GLYATL3: variants seen among roughly 807,000 people sequenced by gnomAD.
GLYATL3 encodes the protein glycine-N-acyltransferase like 3.
Under a neutral mutation model 28.5 loss-of-function variants are expected in GLYATL3, and 31 were observed. That is an observed-to-expected ratio of 1.09 (90% CI 0.82 to 1.47). GLYATL3 has a LOEUF of 1.47. Among genes scored for constraint, GLYATL3 ranks in the 40% most tolerant of loss-of-function variants. The pLI, the probability that GLYATL3 is intolerant of heterozygous loss-of-function variation, is 0.00. For missense variants in GLYATL3, 369 were observed against 351.5 expected (o/e 1.05, Z -0.40); for synonymous variants, 141 against 140.2 (o/e 1.01, Z -0.04).
intron 1 of GLYATL3, among the ~76,000 whole-genome samples, chr6:49,502,573 T>A (rs1768934210): frequency 6.6e-6 from 1 of 151,562 alleles, no homozygotes; most frequent in Non-Finnish European, 1.5e-5. Flanking sequence ...CTTATAATTC[T>A]ATCTCCCATC....
chr6:49,508,013 G>A (rs939348352), intron 1 of GLYATL3, among the ~76,000 whole-genome samples: 3 of 152,142 alleles, frequency 2.0e-5, no homozygotes, highest in Admixed American at 6.5e-5. Flanking sequence ...AATATAGCGT[G>A]TGCATCAGTA....
At chr6:49,515,994 G>A (rs527994422) in intron 3 of GLYATL3, among the ~76,000 whole-genome samples, 1 of 145,664 alleles carries the variant, frequency 6.9e-6, no homozygotes, top group East Asian at 2.1e-4. Context: ...GAGTGCAGTG[G>A]CATGATCTCA....
intron 1 of GLYATL3, among the ~76,000 whole-genome samples, chr6:49,509,944 CTT>C (rs989634639): frequency 1.8e-5 from 1 of 55,002 alleles, no homozygotes; most frequent in Non-Finnish European, 4.8e-5. Flanking sequence ...TACGTATTTT[CTT>C]TCTCTTTCTT....
At position 49,526,625 on chromosome 6, in the gene GLYATL3, T is replaced by A. The variant is rs1769421487; in HGVS notation, c.578T>A (p.Val193Asp). Residue 193 changes from valine to aspartate, a missense_variant, in exon 6 of 6, where the codon GTC becomes GAC. By Grantham distance (152) the Val-to-Asp change is radical. Transcript: ENST00000371197. ...NLISCFPSVCVRDEKGNPVSW... is the reference protein window; with the variant it reads ...NLISCFPSVCDRDEKGNPVSW... ...ATCTCCTGCTTCCCTAGTGTGTGTGTCCGGGATGAGAAGGGAAACCCGGTC... is the reference window on the plus strand; with the variant it reads ...ATCTCCTGCTTCCCTAGTGTGTGTGACCGGGATGAGAAGGGAAACCCGGTC... 6.4e-7 allele frequency: 1 copy of A among 1,551,930 alleles called. No homozygotes were observed. Among genetic ancestry groups the A allele is most frequent in the East Asian group, 2.4e-5 (1 of 40,902 alleles).
chr6:49,504,148 C>T (rs1041305866), intron 1 of GLYATL3, among the ~76,000 whole-genome samples: 6 of 151,744 alleles, frequency 4.0e-5, no homozygotes, highest in South Asian at 4.2e-4. Context: ...AGACCTGGAT[C>T]GCTGGAGGCA....
intron 1 of GLYATL3, among the ~76,000 whole-genome samples, chr6:49,507,546 G>A (rs143314896): frequency 1.2e-4 from 19 of 152,224 alleles, no homozygotes; most frequent in East Asian, 1.2e-3. Flanking sequence ...AATACTCATC[G>A]ACAAACCTGA....
rs1202956128 is a variant in GLYATL3, at chr6:49,526,521, T to C, written c.474T>C (p.Ser158=). The C allele has an allele frequency of 7.7e-6, 12 of 1,551,568 alleles. No homozygotes were observed. Among genetic ancestry groups the C allele is most frequent in the Non-Finnish European group, 1.0e-5 (12 of 1,146,990 alleles). Residue 158 remains serine, a synonymous_variant, in exon 6 of 6, where the codon AGT becomes AGC. Coordinates refer to ENST00000371197, the MANE Select transcript of GLYATL3 (RefSeq NM_001010904.2). ...KGPSPRLTYL[S]VANADLLNRT... The stretch of plus-strand genomic sequence containing the variant: ...CTTCCCCACGACTAACCTACCTGAG[T>C]GTTGCCAATGCGGATCTACTCAACC...
intron 1 of GLYATL3, among the ~76,000 whole-genome samples, chr6:49,505,201 T>C (rs1768988838): frequency 6.6e-6 from 1 of 152,214 alleles, no homozygotes; most frequent in African/African-American, 2.4e-5. Context: ...TACGTTAGTA[T>C]GAGAACGAAT....
At chr6:49,504,990 G>T (rs776940475) in intron 1 of GLYATL3, among the ~76,000 whole-genome samples, 1 of 152,124 alleles carries the variant, frequency 6.6e-6, no homozygotes, top group Non-Finnish European at 1.5e-5. Context: ...GATTAACTCC[G>T]AGAGATTGTG....
Position 49,512,020 on chromosome 6 carries a change from A to G in GLYATL3, c.30A>G (p.Leu10=), listed in dbSNP as rs1419821259. 2.0e-6 allele frequency: 3 copies of G among 1,505,838 alleles called. No homozygotes were observed. The highest frequency in any genetic ancestry group is 2.7e-6 in the Non-Finnish European group (3 of 1,108,154). 93.3% of individuals were successfully genotyped at this position (1,505,838 alleles called of 1,614,324 possible). A position where few individuals can be genotyped will look rare whatever the true frequency, so the allele number is the denominator to read the frequency against. The change falls in exon 2 of 6, where the codon TTA becomes TTG. Residue 10 remains leucine, a synonymous_variant. Coordinates refer to ENST00000371197, the MANE Select transcript of GLYATL3 (RefSeq NM_001010904.2). MLVLNCSTK[L]LILEKMLKSC... is the part of the protein sequence containing the mutation. The stretch of plus-strand genomic sequence containing the variant: ...TGGTGCTAAACTGTTCTACCAAATT[A>G]CTGATACTGGAGAAAATGTTGAAGA...
chr6:49,508,639 G>T (rs1581866632), intron 1 of GLYATL3, among the ~76,000 whole-genome samples: 1 of 152,286 alleles, frequency 6.6e-6, no homozygotes, highest in South Asian at 2.1e-4. Flanking sequence ...TCTGGGATAG[G>T]AATCTTGGTG....
chr6:49,507,830 A>T (rs115534907), intron 1 of GLYATL3, among the ~76,000 whole-genome samples: 3,275 of 152,250 alleles, frequency 0.022, 60 homozygotes, highest in African/African-American at 0.043. Context: ...CTGCAGTGCC[A>T]CCAATGCACT....
intron 2 of GLYATL3, among the ~76,000 whole-genome samples, chr6:49,515,371 G>T (rs572230016): frequency 3.9e-5 from 6 of 152,128 alleles, no homozygotes; most frequent in African/African-American, 1.2e-4. Context: ...CACCTAGTAA[G>T]CCTATGAATT....
chr6:49,523,599 G>T (rs748776757), intron 5 of GLYATL3, among the ~76,000 whole-genome samples: 3 of 152,094 alleles, frequency 2.0e-5, no homozygotes, highest in Non-Finnish European at 4.4e-5. Context: ...TTGCAATTCG[G>T]CCTTTTTAAG....
At chr6:49,526,321 G>A (rs1023377644) in intron 5 of GLYATL3, among the ~76,000 whole-genome samples, 167 bp from the exon 6 acceptor site, 3 of 152,072 alleles carry the variant, frequency 2.0e-5, no homozygotes, top group Non-Finnish European at 4.4e-5. Flanking sequence ...GCTGAGGCAG[G>A]AGAATTGCTT....
chr6:49,521,799 G>A, intron 5 of GLYATL3, 28 bp downstream of exon 5: 1 of 1,546,048 alleles, frequency 6.5e-7, no homozygotes, highest in East Asian at 2.4e-5. Flanking sequence ...TTGCATTTGG[G>A]GCAGGACTTA....
chr6:49,521,577 C>A, intron 4 of GLYATL3, 68 bp from the exon 5 acceptor site: 2 of 1,390,542 alleles, frequency 1.4e-6, no homozygotes, highest in South Asian at 1.3e-5. Context: ...AAAATTACTG[C>A]AACAAATTTC....
chr6:49,500,102 G>A (rs1183518712), intron 1 of GLYATL3, 60 bp downstream of exon 1: 1 of 152,116 alleles, frequency 6.6e-6, no homozygotes, highest in African/African-American at 2.4e-5. Context: ...TGCAGAAAGG[G>A]ATGGGAAAAA....
chr6:49,513,293 A>G (rs1185525163), intron 2 of GLYATL3, among the ~76,000 whole-genome samples: 3 of 152,204 alleles, frequency 2.0e-5, no homozygotes, highest in East Asian at 1.9e-4. Flanking sequence ...ATAAGTTCTC[A>G]TCTCATTCCC....
Sources: gnomAD v4.1 joint callset for allele counts (sites outside exome capture counted in the v4.1 genomes callset) on GRCh38, gnomAD v4.1.1 for gene constraint, MANE v1.5 for transcripts, NCBI Gene and HGNC (gene_info 2026-07-23, HGNC 2026-07-21) for gene names.